The following CFAP221 variants were observed in gnomAD, a reference collection of about 807,000 sequenced individuals.
CFAP221 encodes the protein cilia and flagella associated protein 221.
A neutral mutation model predicts 113.1 loss-of-function variants in CFAP221; 97 were observed. The observed-to-expected ratio is 0.86, with a 90% CI of 0.73 to 1.02. The LOEUF is 1.02. Among genes scored for constraint, CFAP221 ranks in the 50% least tolerant of loss-of-function variants. CFAP221 has a pLI of 0.00. For synonymous variants in CFAP221, 331 were observed against 354.4 expected, an observed-to-expected ratio of 0.93 and a Z score of 0.74; for missense variants, 1,025 against 1,013.4, an observed-to-expected ratio of 1.01 and a Z score of -0.16.
chr2:119,604,755 A>G lies in CFAP221; in HGVS notation c.875A>G (p.His292Arg). 6.5e-7 allele frequency: 1 copy of G among 1,545,548 alleles called. No homozygotes were observed. The highest frequency in any genetic ancestry group is 1.4e-5 in the African/African-American group (1 of 71,990). The change falls in exon 9 of 24, where the codon CAC becomes CGC. Residue 292 changes from histidine to arginine, a missense_variant. Physicochemically the swap from His to Arg is conservative, Grantham distance 29. Coordinates refer to ENST00000413369, the MANE Select transcript of CFAP221 (RefSeq NM_001271049.2). ...PEKAMMHINF[H>R]RPPAKPKPQK... ...AAAGCAATGATGCATATAAATTTTC[A>G]CCGACCGCCAGCGAAGCCGAAGCCT...
Position 119,639,763 on chromosome 2 carries a change from T to C in CFAP221, c.2134-18T>C, listed in dbSNP as rs763868086. 6.2e-7 allele frequency: 1 copy of C among 1,601,866 alleles called. No homozygotes were observed. Among genetic ancestry groups the C allele is most frequent in the South Asian group, 1.1e-5 (1 of 90,824 alleles). On this transcript the variant is annotated intron_variant, in intron 20 of 23. Transcript: ENST00000413369. Reference sequence around the variant, plus strand: ...CCTCACCAAACAGTTGCTTCCCATGTGCTGACTTTCCTTACAGGACATTAT... The same window carrying C: ...CCTCACCAAACAGTTGCTTCCCATGCGCTGACTTTCCTTACAGGACATTAT...
At chr2:119,618,195 A>T (rs1365703903) in intron 14 of CFAP221, among the ~76,000 whole-genome samples, 1 of 152,264 alleles carries the variant, frequency 6.6e-6, no homozygotes, top group South Asian at 2.1e-4. Flanking sequence ...TGGGCAGGAC[A>T]TTTATTTGCT....
intron 13 of CFAP221, among the ~76,000 whole-genome samples, chr2:119,612,030 C>G (rs1330504971): frequency 6.6e-6 from 1 of 152,170 alleles, no homozygotes; most frequent in Non-Finnish European, 1.5e-5. Context: ...CTCCAAGCCC[C>G]TGTCCACAGG....
At chr2:119,560,953 TA>T (rs1243151736) in intron 5 of CFAP221, among the ~76,000 whole-genome samples, 1 of 151,986 alleles carries the variant, frequency 6.6e-6, no homozygotes, top group East Asian at 1.9e-4. Context: ...CACATTTCCT[TA>T]AGAATATGAT....
At chr2:119,570,751 A>G (rs1294425762) in intron 6 of CFAP221, among the ~76,000 whole-genome samples, 1 of 152,228 alleles carries the variant, frequency 6.6e-6, no homozygotes, top group East Asian at 1.9e-4. Context: ...CATTTAATGG[A>G]TATAACACAT....
chr2:119,646,827 C>A, intron 21 of CFAP221, 131 bp from the exon 22 acceptor site: 1 of 694,180 alleles, frequency 1.4e-6, no homozygotes, highest in Non-Finnish European at 2.2e-6. Context: ...AATGGCTTTT[C>A]AAGAGTGAGG....
At chr2:119,560,746 C>A (rs1406411960) in intron 5 of CFAP221, among the ~76,000 whole-genome samples, 1 of 152,106 alleles carries the variant, frequency 6.6e-6, no homozygotes, top group East Asian at 1.9e-4. Flanking sequence ...TTCCTACAAT[C>A]TGCACAATAA....
downstream of CFAP221, among the ~76,000 whole-genome samples, chr2:119,658,818 T>A (rs1279960930): frequency 1.3e-5 from 2 of 151,742 alleles, no homozygotes; most frequent in African/African-American, 4.8e-5. Context: ...TCATCTCTAC[T>A]AAAAATACAA....
chr2:119,585,640 A>G (rs1683168271), intron 6 of CFAP221, among the ~76,000 whole-genome samples: 1 of 152,148 alleles, frequency 6.6e-6, no homozygotes, highest in South Asian at 2.1e-4. Context: ...CAGATTTTTT[A>G]AAGATAATAA....
At chr2:119,645,518 A>G (rs193283610) in intron 21 of CFAP221, among the ~76,000 whole-genome samples, 17 of 151,588 alleles carry the variant, frequency 1.1e-4, no homozygotes, top group Non-Finnish European at 2.1e-4. Flanking sequence ...ATCTCCAGAA[A>G]GTCATTCTAT....
At chr2:119,619,591 A>T (rs930875597) in intron 14 of CFAP221, among the ~76,000 whole-genome samples, 1 of 152,216 alleles carries the variant, frequency 6.6e-6, no homozygotes, top group Non-Finnish European at 1.5e-5. Context: ...AAGGTCACCA[A>T]CATCCAAGAC....
intron 11 of CFAP221, among the ~76,000 whole-genome samples, chr2:119,606,375 A>T (rs879496173): frequency 2.0e-5 from 3 of 151,728 alleles, no homozygotes; most frequent in Non-Finnish European, 2.9e-5. Flanking sequence ...CCCAGCCTCC[A>T]CCCTTCCCGA....
At position 119,639,574 on chromosome 2, in the gene CFAP221, C is replaced by T. The variant is rs199944371; in HGVS notation, c.2134-207C>T. On this transcript the variant is annotated intron_variant, in intron 20 of 23. Transcript: ENST00000413369. ...CTAATGAAGCAAGGGAAGCAAACCT[C>T]GCCTTTGTCTCTAATTCTGTGTTGC... Among the ~76,000 whole-genome samples, 19 of 152,336 alleles carry T rather than the reference C, an allele frequency of 1.2e-4. No individual in the cohort carries two copies. In the East Asian group the frequency reaches 2.1e-3, roughly 17 times the overall value.
At chr2:119,637,762 C>T (rs2012896) in intron 19 of CFAP221, among the ~76,000 whole-genome samples, 150,852 of 152,368 alleles carry the variant, frequency 0.99, 74,697 homozygotes, top group East Asian at 1. Flanking sequence ...CTTCCTGAAT[C>T]AAACACATTA....
At position 119,601,215 on chromosome 2, in the gene CFAP221, C is replaced by T; in HGVS notation, c.632-3C>T. ...TCACATTTTCTCATTTCTTTCCTCT[C>T]AGGAATAATTCCGGCTAATGGGAAG... On this transcript the variant is annotated splice_region_variant and splice_polypyrimidine_tract_variant and intron_variant, in intron 7 of 23. Transcript: ENST00000413369. The T allele has an allele frequency of 6.6e-7, 1 of 1,515,588 alleles. No individual in the cohort carries two copies. The highest frequency in any genetic ancestry group is 8.8e-7 in the Non-Finnish European group (1 of 1,132,130). The allele number at this position is 1,515,588 out of a possible 1,614,324, so 93.9% of individuals were successfully genotyped here.
chr2:119,550,474 G>T (rs1171091309), intron 3 of CFAP221, among the ~76,000 whole-genome samples: 1 of 152,112 alleles, frequency 6.6e-6, no homozygotes, highest in Non-Finnish European at 1.5e-5. Context: ...AAAGGATTAG[G>T]ATTTGAAACT....
rs559604174 is a variant in CFAP221, at chr2:119,601,291, A to G, written c.705A>G (p.Ile235Met). The change falls in exon 8 of 24, where the codon ATA becomes ATG. Residue 235 changes from isoleucine (I) to methionine (M), a missense_variant. Ile to Met is a conservative substitution (Grantham distance 10). Coordinates refer to ENST00000413369, the MANE Select transcript of CFAP221 (RefSeq NM_001271049.2). ...CCTTTCAGTATGGGACTGCACAAAT[A>G]AAAATGCAGTTATGGATTTCGCAGT... Reference protein sequence around the residue: ...FTPFQYGTAQIKMQLWISQFN... With the variant: ...FTPFQYGTAQMKMQLWISQFN... The G allele has an allele frequency of 2.3e-5, 35 of 1,535,926 alleles. No homozygotes were observed. The East Asian group carries it at 8.6e-4, about 38-fold the overall frequency.
At position 119,604,911 on chromosome 2, in the gene CFAP221, T is replaced by C. The variant is rs763782582; in HGVS notation, c.948T>C (p.Asp316=). 1.9e-6 allele frequency: 3 copies of C among 1,614,078 alleles called. No individual in the cohort carries two copies. The Admixed American group carries it at 5.0e-5, about 27-fold the overall frequency. The change falls in exon 10 of 24, where the codon GAT becomes GAC. Residue 316 remains aspartate, a synonymous_variant. Coordinates refer to ENST00000413369, the MANE Select transcript of CFAP221 (RefSeq NM_001271049.2). ...IEYQNLRFPV[D]LSNPFAVATV... ...ACCAGAACCTCAGATTTCCAGTAGA[T>C]TTATCGAATCCATTTGCTGTGGCAA...
At chr2:119,609,160 A>G (rs1684976907) in intron 12 of CFAP221, among the ~76,000 whole-genome samples, 1 of 152,176 alleles carries the variant, frequency 6.6e-6, no homozygotes, top group Non-Finnish European at 1.5e-5. Context: ...CCATGGCCTC[A>G]CCATGCTTTG....
Sources: allele counts gnomAD v4.1 joint callset (sites outside exome capture counted in the v4.1 genomes callset), GRCh38; gene constraint gnomAD v4.1.1; transcripts MANE v1.5; gene names NCBI Gene and HGNC (gene_info 2026-07-23, HGNC 2026-07-21).